Variants in ADCY2 observed in about 807,000 individuals in gnomAD.
ADCY2 encodes the protein adenylate cyclase 2.
Under a neutral mutation model 125.2 loss-of-function variants are expected in ADCY2, and 31 were observed. That is an observed-to-expected ratio of 0.25 (90% CI 0.19 to 0.33). The LOEUF (loss-of-function observed/expected upper bound fraction) is 0.33. Among genes scored for constraint, ADCY2 ranks in the 10% least tolerant of loss-of-function variants. The pLI, the probability that ADCY2 is intolerant of heterozygous loss-of-function variation, is 1.00. For missense variants in ADCY2, 904 were observed against 1,418.2 expected (o/e 0.64, Z 5.82); for synonymous variants, 512 against 548.4 (o/e 0.93, Z 0.93).
chr5:7,514,296 G>A (rs575222758), intron 2 of ADCY2, among the ~76,000 whole-genome samples: 35 of 152,092 alleles, frequency 2.3e-4, no homozygotes, highest in Admixed American at 6.5e-5. Context: ...ATCCATGACC[G>A]TGATCTACAT....
At chr5:7,763,195 G>T (rs1368042489) in intron 16 of ADCY2, among the ~76,000 whole-genome samples, 1 of 151,862 alleles carries the variant, frequency 6.6e-6, no homozygotes, top group African/African-American at 2.4e-5. Flanking sequence ...CCGGGTTCAC[G>T]CCATTCTGCC....
chr5:7,454,118 C>T (rs1741578345), intron 2 of ADCY2, among the ~76,000 whole-genome samples: 1 of 152,112 alleles, frequency 6.6e-6, no homozygotes, highest in South Asian at 2.1e-4. Context: ...GGGGGGTGCC[C>T]TCTCCTGCCC....
intron 4 of ADCY2, among the ~76,000 whole-genome samples, chr5:7,631,456 A>ACTT (rs1368352690): frequency 6.6e-6 from 1 of 152,180 alleles, no homozygotes; most frequent in East Asian, 1.9e-4. Context: ...AGTAAGTGTA[A>ACTT]CTTCCAGGGC....
chr5:7,689,085 G>A (rs1740623143), intron 4 of ADCY2, among the ~76,000 whole-genome samples: 1 of 152,174 alleles, frequency 6.6e-6, no homozygotes, highest in African/African-American at 2.4e-5. Context: ...TTTTCAAGTG[G>A]GTTCTGAGAC....
In ADCY2 at chr5:7,829,673, G is replaced by C. The variant is rs1371527914; in HGVS notation, c.*2802G>C. 1 of 152,340 alleles carries C rather than the reference G, an allele frequency of 6.6e-6. No homozygotes were observed. The highest frequency in any genetic ancestry group is 2.4e-5 in the African/African-American group (1 of 41,414). 9.4% of individuals were successfully genotyped at this position (152,340 alleles called of 1,614,324 possible). On this transcript the variant is annotated 3_prime_UTR_variant, in exon 25 of 25. Coordinates refer to ENST00000338316, the MANE Select transcript of ADCY2 (RefSeq NM_020546.3). Reference sequence around the variant, plus strand: ...CCCAGTGTTTTACATATCTGTTTAGGAGTGTCTAAGTTTTGTCATCAATCC... The same window carrying C: ...CCCAGTGTTTTACATATCTGTTTAGCAGTGTCTAAGTTTTGTCATCAATCC...
chr5:7,660,239 AGAAG>A (rs59646942), intron 4 of ADCY2, among the ~76,000 whole-genome samples: 10,668 of 101,124 alleles, frequency 0.11, 714 homozygotes, highest in East Asian at 0.23. Context: ...AGGGAGGGAG[AGAAG>A]GAAGGAAGGA....
chr5:7,814,871 C>T (rs1745059740), intron 22 of ADCY2, among the ~76,000 whole-genome samples: 1 of 152,190 alleles, frequency 6.6e-6, no homozygotes, highest in African/African-American at 2.4e-5. Flanking sequence ...GAAGTCACTG[C>T]CTAAGGCCCG....
chr5:7,499,717 A>G lies in ADCY2; in HGVS notation c.409-21021A>G, dbSNP rs573401780. Among the ~76,000 whole-genome samples the G allele has an allele frequency of 4.5e-3, 645 of 144,396 alleles. 8 individuals carry two copies. Among genetic ancestry groups the G allele is most frequent in the African/African-American group, 0.016 (621 of 38,134 alleles). 94.7% of individuals were successfully genotyped at this position (144,396 alleles called of 152,430 possible). The stretch of plus-strand genomic sequence containing the variant: ...TGTGTATATATATGTATATATATGT[A>G]TATATATAAAATGTTACCACTAAAA... On this transcript the variant is annotated intron_variant, in intron 2 of 24. Transcript: ENST00000338316.
At chr5:7,756,835 C>T (rs1278515662) in intron 15 of ADCY2, among the ~76,000 whole-genome samples, 1 of 152,168 alleles carries the variant, frequency 6.6e-6, no homozygotes, top group Non-Finnish European at 1.5e-5. Context: ...TTATGTGTTT[C>T]TAACACCGTT....
chr5:7,403,393 C>A (rs1739342941), intron 1 of ADCY2, among the ~76,000 whole-genome samples: 1 of 152,128 alleles, frequency 6.6e-6, no homozygotes, highest in Non-Finnish European at 1.5e-5. Flanking sequence ...GACTCTTTCC[C>A]ATCATTGACT....
chr5:7,416,008 A>G (rs543341431), intron 2 of ADCY2, among the ~76,000 whole-genome samples: 2 of 152,252 alleles, frequency 1.3e-5, no homozygotes, highest in East Asian at 3.9e-4. Flanking sequence ...AGGAGCCATG[A>G]TGGGGAGAAG....
chr5:7,702,358 C>A (rs1741110630), intron 7 of ADCY2, among the ~76,000 whole-genome samples: 1 of 151,566 alleles, frequency 6.6e-6, no homozygotes, highest in Admixed American at 6.6e-5. Context: ...AGGTATATCT[C>A]CTAATGGTAT....
At position 7,479,997 on chromosome 5, in the gene ADCY2, T is replaced by C. The variant is rs1742668873; in HGVS notation, c.409-40741T>C. On this transcript the variant is annotated intron_variant, in intron 2 of 24. Transcript: ENST00000338316. ...CAAAAGAAGATATGCTTGCAGCTAA[T>C]AATCATATGAAAAAAAGCTCAACAT... Among the ~76,000 whole-genome samples the C allele has an allele frequency of 2.0e-5, 3 of 152,174 alleles. No individual in the cohort carries two copies. The South Asian group carries it at 6.2e-4, about 32-fold the overall frequency.
intron 14 of ADCY2, among the ~76,000 whole-genome samples, chr5:7,740,302 C>T (rs1479255865): frequency 6.6e-6 from 1 of 151,884 alleles, no homozygotes; most frequent in African/African-American, 2.4e-5. Flanking sequence ...AATTTTAAGT[C>T]ATAAATATTT....
At position 7,804,612 on chromosome 5, in the gene ADCY2, G is replaced by C. The variant is rs1744701480; in HGVS notation, c.2803G>C (p.Val935Leu). 1.2e-6 allele frequency: 2 copies of C among 1,614,066 alleles called. No individual in the cohort carries two copies. Among genetic ancestry groups the C allele is most frequent in the Non-Finnish European group, 1.7e-6 (2 of 1,180,040 alleles). Residue 935 changes from valine (V) to leucine (L), a missense_variant, in exon 22 of 25, where the codon GTT becomes CTT. Transcript: ENST00000338316. ...TCTTTCCAAGCCAAAATTCAGTGGA[G>C]TTGAAAAGATTAAGACCATTGGCAG... ...DLLSKPKFSG[V>L]EKIKTIGSTY...
intron 14 of ADCY2, among the ~76,000 whole-genome samples, chr5:7,737,973 A>G (rs1742297241): frequency 6.6e-6 from 1 of 152,150 alleles, no homozygotes. Context: ...GATGAAATAC[A>G]TTCTGCAAGT....
At chr5:7,483,742 C>T (rs1379542665) in intron 2 of ADCY2, among the ~76,000 whole-genome samples, 1 of 152,160 alleles carries the variant, frequency 6.6e-6, no homozygotes, top group Non-Finnish European at 1.5e-5. Context: ...TGGAATACAC[C>T]ATCTGTGCCT....
At chr5:7,712,558 C>A (rs1291951511) in intron 10 of ADCY2, among the ~76,000 whole-genome samples, 3 of 152,264 alleles carry the variant, frequency 2.0e-5, no homozygotes, top group East Asian at 3.9e-4. Flanking sequence ...CGCCGGCAGG[C>A]CACTGTTTGA....
intron 4 of ADCY2, among the ~76,000 whole-genome samples, chr5:7,641,343 T>C (rs920001297): frequency 1.3e-5 from 2 of 152,136 alleles, no homozygotes; most frequent in African/African-American, 4.8e-5. Context: ...GTTGTAAAAA[T>C]GCAGATCAAA....
Sources: allele counts gnomAD v4.1 joint callset (sites outside exome capture counted in the v4.1 genomes callset), GRCh38; gene constraint gnomAD v4.1.1; transcripts MANE v1.5; gene names NCBI Gene and HGNC (gene_info 2026-07-23, HGNC 2026-07-21).